The following KCNJ15 variants were observed in gnomAD, a reference collection of about 807,000 sequenced individuals.
KCNJ15 encodes the protein potassium inwardly rectifying channel subfamily J member 15, also known as ATP-sensitive inward rectifier potassium channel 15.
Under a neutral mutation model 23.0 loss-of-function variants are expected in KCNJ15, and 14 were observed. The observed-to-expected ratio is 0.61, with a 90% CI of 0.40 to 0.95. The LOEUF is 0.95. Among genes scored for constraint, KCNJ15 ranks in the 40% least tolerant of loss-of-function variants. The pLI, the probability that KCNJ15 is intolerant of heterozygous loss-of-function variation, is 0.00. For missense variants in KCNJ15, 388 were observed against 461.8 expected (o/e 0.84, Z 1.46); for synonymous variants, 185 against 183.2 (o/e 1.01, Z -0.08).
chr21:38,283,567 CT>C (rs1241932035), intron 1 of KCNJ15, among the ~76,000 whole-genome samples: 1 of 152,162 alleles, frequency 6.6e-6, no homozygotes, highest in Non-Finnish European at 1.5e-5. Context: ...ACTCAGATTG[CT>C]TCTAATGTTT....
intron 1 of KCNJ15, among the ~76,000 whole-genome samples, chr21:38,284,479 C>A (rs1983680317): frequency 6.6e-6 from 1 of 152,206 alleles, no homozygotes; most frequent in Non-Finnish European, 1.5e-5. Flanking sequence ...AGCTCTCAAG[C>A]TACAAACACC....
chr21:38,291,346 C>T (rs921700602), intron 1 of KCNJ15, among the ~76,000 whole-genome samples: 1 of 152,162 alleles, frequency 6.6e-6, no homozygotes, highest in African/African-American at 2.4e-5. Flanking sequence ...CTTAATGATA[C>T]CCATTATCCA....
At chr21:38,295,637 C>T (rs528073376) in intron 1 of KCNJ15, among the ~76,000 whole-genome samples, 5 of 151,890 alleles carry the variant, frequency 3.3e-5, no homozygotes, top group Non-Finnish European at 5.9e-5. Context: ...TTTTGGAAAA[C>T]TGTTATTGTT....
In KCNJ15 at chr21:38,300,062, C is replaced by T. The variant is rs759576878; in HGVS notation, c.801C>T (p.Leu267=). ...VLDETSPLRD[L]TPQNLKEKEF... ...ATGAGACGAGCCCCCTGAGAGACCT[C>T]ACACCCCAAAACCTAAAGGAGAAGG... The change falls in exon 3 of 3, where the codon CTC becomes CTT. Residue 267 remains leucine (L), a synonymous_variant. Transcript: ENST00000398938. 6.2e-7 allele frequency: 1 copy of T among 1,614,104 alleles called. No individual in the cohort carries two copies. The highest frequency in any genetic ancestry group is 8.5e-7 in the Non-Finnish European group (1 of 1,180,002).
intron 1 of KCNJ15, among the ~76,000 whole-genome samples, chr21:38,275,500 C>T (rs1363639274): frequency 4.2e-5 from 5 of 119,300 alleles, no homozygotes; most frequent in Admixed American, 1.1e-4. Context: ...CCAGCCTGGG[C>T]GACAGACCGA....
At chr21:38,250,164 C>T (rs940977735) in intron 1 of KCNJ15, among the ~76,000 whole-genome samples, 4 of 152,180 alleles carry the variant, frequency 2.6e-5, no homozygotes, top group Non-Finnish European at 5.9e-5. Flanking sequence ...AATGGGAAAG[C>T]TCCCAAAGTG....
upstream of KCNJ15, among the ~76,000 whole-genome samples, chr21:38,255,187 A>G (rs780071253): frequency 3.9e-5 from 6 of 152,210 alleles, no homozygotes; most frequent in Admixed American, 1.3e-4. Flanking sequence ...AGGACCTCCC[A>G]GAGGAGGTGC....
intron 1 of KCNJ15, among the ~76,000 whole-genome samples, chr21:38,236,434 C>T (rs951718726): frequency 1.3e-5 from 2 of 152,152 alleles, no homozygotes; most frequent in Non-Finnish European, 2.9e-5. Context: ...CCTGTATTCT[C>T]CTCTGTCTGC....
intron 1 of KCNJ15, among the ~76,000 whole-genome samples, chr21:38,286,205 T>C (rs1427831098): frequency 1.3e-5 from 2 of 152,176 alleles, no homozygotes; most frequent in Non-Finnish European, 2.9e-5. Context: ...ATCATGCCAC[T>C]GCACTCCAGC....
At chr21:38,239,923 C>T (rs534674384) in intron 1 of KCNJ15, among the ~76,000 whole-genome samples, 83 of 152,272 alleles carry the variant, frequency 5.5e-4, no homozygotes, top group Non-Finnish European at 8.8e-4. Flanking sequence ...GCAAAGTTGA[C>T]GTTAAAACAT....
In KCNJ15 at chr21:38,299,157, A is replaced by T; in HGVS notation, c.-18-87A>T. 9.7e-7 allele frequency: 1 copy of T among 1,028,740 alleles called. No individual in the cohort carries two copies. The highest frequency in any genetic ancestry group is 1.4e-6 in the Non-Finnish European group (1 of 689,848). The allele number at this position is 1,028,740 out of a possible 1,614,324, so 63.7% of individuals were successfully genotyped here. On this transcript the variant is annotated intron_variant, in intron 2 of 2. Transcript: ENST00000398938. The surrounding 1 kb of genome is among the most constrained non-coding windows in gnomAD (Gnocchi z 4.5). Reference sequence around the variant, plus strand: ...TCCTTTCTTGTGTACTTCCATGTACATTCATACTTACTTCACATGATGATT... The same window carrying T: ...TCCTTTCTTGTGTACTTCCATGTACTTTCATACTTACTTCACATGATGATT...
At chr21:38,272,725 A>G (rs1385580756) in intron 1 of KCNJ15, among the ~76,000 whole-genome samples, 1 of 152,208 alleles carries the variant, frequency 6.6e-6, no homozygotes, top group Non-Finnish European at 1.5e-5. Context: ...AATTTCAAGT[A>G]GTATAAATCT....
intron 1 of KCNJ15, among the ~76,000 whole-genome samples, chr21:38,288,640 A>C (rs1984242579): frequency 1.3e-5 from 2 of 152,240 alleles, no homozygotes; most frequent in South Asian, 4.1e-4. Context: ...AAATATTATA[A>C]ATGTGAGGCA....
In KCNJ15 at chr21:38,257,185, G is replaced by A. The variant is rs781326600; in HGVS notation, c.-117G>A. 7.9e-5 allele frequency: 12 copies of A among 152,290 alleles called. No individual in the cohort carries two copies. Among genetic ancestry groups the A allele is most frequent in the Non-Finnish European group, 1.8e-4 (12 of 68,034 alleles). The allele number at this position is 152,290 out of a possible 1,614,324, so 9.4% of individuals were successfully genotyped here. On this transcript the variant is annotated splice_region_variant and 5_prime_UTR_variant, in exon 1 of 3. Transcript: ENST00000398938. ...GAGTCTGCACTCTTCAGTCTTTGCA[G>A]GTAAGAGGTACACGGCGCTTATGTT...
chr21:38,231,285 A>G (rs1430245634), intron 1 of KCNJ15, among the ~76,000 whole-genome samples: 1 of 151,974 alleles, frequency 6.6e-6, no homozygotes, highest in Non-Finnish European at 1.5e-5. Flanking sequence ...TAATTTGTGT[A>G]TATTTATCTT....
upstream of KCNJ15, among the ~76,000 whole-genome samples, chr21:38,254,224 G>T (rs901290240): frequency 6.6e-6 from 1 of 152,204 alleles, no homozygotes; most frequent in African/African-American, 2.4e-5. Flanking sequence ...TATGACAGAA[G>T]TCACATAGAC....
At chr21:38,235,245 AT>A (rs112128401) in intron 1 of KCNJ15, among the ~76,000 whole-genome samples, 294 of 144,502 alleles carry the variant, frequency 2.0e-3, no homozygotes, top group Middle Eastern at 7.2e-3. Flanking sequence ...TAAATTTCTT[AT>A]TTTTTTTTTT....
chr21:38,286,197 C>CA (rs1409187418), intron 1 of KCNJ15, among the ~76,000 whole-genome samples: 11 of 152,146 alleles, frequency 7.2e-5, no homozygotes, highest in Non-Finnish European at 1.5e-5. Context: ...GAGCTGAGAT[C>CA]ATGCCACTGC....
In KCNJ15 at chr21:38,304,287, TC is replaced by T. The variant is rs897170100; in HGVS notation, c.*3902del. 5.1e-5 allele frequency: 7 copies of T among 138,386 alleles called. No homozygotes were observed. Among genetic ancestry groups the T allele is most frequent in the Non-Finnish European group, 3.1e-5 (2 of 64,762 alleles). 8.6% of individuals were successfully genotyped at this position (138,386 alleles called of 1,614,324 possible). ...CACAACAGTCCCCGGTGTGTGATGTTCCCCTTCCTGTGTCCATGTGTTCTCA... is the reference window on the plus strand; with the variant it reads ...CACAACAGTCCCCGGTGTGTGATGTTCCCTTCCTGTGTCCATGTGTTCTCA... On this transcript the variant is annotated 3_prime_UTR_variant, in exon 3 of 3. Transcript: ENST00000398938.
Sources: gnomAD v4.1 joint callset for allele counts (sites outside exome capture counted in the v4.1 genomes callset) on GRCh38, gnomAD v4.1.1 for gene constraint, Gnocchi (gnomAD v3.1) non-coding constraint, MANE v1.5 for transcripts, NCBI Gene and HGNC (gene_info 2026-07-23, HGNC 2026-07-21) for gene names.